The following CTSD variants were observed in gnomAD, a reference collection of about 807,000 sequenced individuals.
CTSD encodes the protein cathepsin D.
A neutral mutation model predicts 43.6 loss-of-function variants in CTSD; 28 were observed. The observed-to-expected ratio is 0.64, with a 90% CI of 0.48 to 0.88. The LOEUF (loss-of-function observed/expected upper bound fraction) is 0.88, where lower values mean the gene tolerates loss of function less well. CTSD is among the 40% of genes least tolerant of loss of function. The probability of loss-of-function intolerance (pLI) is 0.00; values close to 1 mark genes in which losing one functional copy is unlikely to be tolerated. For synonymous variants in CTSD, 270 were observed against 249.8 expected (o/e 1.08, Z -0.76); for missense variants, 485 against 555.2 (o/e 0.87, Z 1.27).
chr11:1,754,524 A>T (rs1234802527), intron 6 of CTSD, among the ~76,000 whole-genome samples: 6 of 14,062 alleles, frequency 4.3e-4, no homozygotes, highest in South Asian at 2.3e-3. Context: ...GGAGGGATGG[A>T]GGGGATGGAG....
In CTSD at chr11:1,753,375, G is replaced by C. The variant is rs1845751114; in HGVS notation, c.*128C>G. ...ACAGCAAGTCGGGCTTGGGCCGCCGGCTTCCAGGGCGCCCAGGACAGTGGG... is the reference window on the plus strand; with the variant it reads ...ACAGCAAGTCGGGCTTGGGCCGCCGCCTTCCAGGGCGCCCAGGACAGTGGG... On this transcript the variant is annotated 3_prime_UTR_variant, in exon 9 of 9. Coordinates refer to ENST00000236671, the MANE Select transcript of CTSD (RefSeq NM_001909.5). 4 of 1,181,004 alleles carry C rather than the reference G, an allele frequency of 3.4e-6. No individual in the cohort carries two copies. The highest frequency in any genetic ancestry group is 5.0e-6 in the Non-Finnish European group (4 of 797,784). 73.2% of individuals were successfully genotyped at this position (1,181,004 alleles called of 1,614,324 possible). A position where few individuals can be genotyped will look rare whatever the true frequency, so the allele number is the denominator to read the frequency against.
intron 2 of CTSD, chr11:1,761,034 C>CT: frequency 2.0e-6 from 1 of 494,328 alleles, no homozygotes; most frequent in Non-Finnish European, 3.7e-6. Context: ...GGCCCAAGGA[C>CT]CGCCCCCTCA....
At chr11:1,763,366 G>A (rs1028791694) in intron 1 of CTSD, among the ~76,000 whole-genome samples, 2 of 152,196 alleles carry the variant, frequency 1.3e-5, no homozygotes, top group Non-Finnish European at 2.9e-5. Context: ...GTGGTAAAGG[G>A]GTCCCTAAGG....
chr11:1,758,092 A>C (rs1845831443), intron 4 of CTSD: 2 of 212,044 alleles, frequency 9.4e-6, no homozygotes, highest in Non-Finnish European at 9.7e-6. Context: ...CACGGGGCGG[A>C]GGGGGCAGAA....
chr11:1,760,554 T>C (rs1845862441), intron 2 of CTSD: 1 of 151,632 alleles, frequency 6.6e-6, no homozygotes, highest in Non-Finnish European at 1.5e-5. Flanking sequence ...CAAATTTCCA[T>C]GTGTGTGTGT....
chr11:1,756,593 C>T (rs978657564), intron 5 of CTSD, among the ~76,000 whole-genome samples: 21 of 152,124 alleles, frequency 1.4e-4, no homozygotes, highest in Non-Finnish European at 2.8e-4. Flanking sequence ...ACACGCTGCC[C>T]ACCCCCAAAA....
At chr11:1,754,382 C>A in intron 6 of CTSD, 2 of 450,010 alleles carry the variant, frequency 4.4e-6, no homozygotes, top group Non-Finnish European at 3.9e-6. Context: ...GATGGAGGGG[C>A]ATAGAGGGAT....
intron 5 of CTSD, 134 bp from the exon 6 acceptor site, chr11:1,755,162 G>A (rs1845795038): frequency 9.3e-7 from 1 of 1,072,692 alleles, no homozygotes; most frequent in Admixed American, 1.8e-5. Flanking sequence ...CTGCAGGGAT[G>A]GAAAGGCCCA....
At chr11:1,754,405 G>GGGGATGGAGGGATGGA in intron 6 of CTSD, 1 of 543,370 alleles carries the variant, frequency 1.8e-6, no homozygotes, top group Non-Finnish European at 3.3e-6. Context: ...AGGGGATGGA[G>GGGGATGGAGGGATGGA]GGGATGAAGG....
chr11:1,757,337 A>G lies in CTSD; in HGVS notation c.691T>C (p.Phe231Leu). Residue 231 changes from phenylalanine to leucine, a missense_variant, in exon 5 of 9, where the codon TTC becomes CTC. Physicochemically the swap from Phe to Leu is conservative, Grantham distance 22. Transcript: ENST00000236671. The stretch of plus-strand genomic sequence containing the variant: ...CCACACGCCCACCTGCTCAGGTAGA[A>G]GGAGAAGATGTTCTGGTCCACCAGC... ...QKLVDQNIFSFYLSRDPDAQP... is the reference protein window; with the variant it reads ...QKLVDQNIFSLYLSRDPDAQP... 6.2e-7 allele frequency: 1 copy of G among 1,613,870 alleles called. No individual in the cohort carries two copies. Among genetic ancestry groups the G allele is most frequent in the Non-Finnish European group, 8.5e-7 (1 of 1,179,946 alleles).
In CTSD at chr11:1,763,883, G is replaced by C; in HGVS notation, c.-24C>G. The C allele has an allele frequency of 6.6e-7, 1 of 1,517,922 alleles. No individual in the cohort carries two copies. Among genetic ancestry groups the C allele is most frequent in the Non-Finnish European group, 8.8e-7 (1 of 1,138,058 alleles). 94.0% of individuals were successfully genotyped at this position (1,517,922 alleles called of 1,614,324 possible). A position where few individuals can be genotyped will look rare whatever the true frequency, so the allele number is the denominator to read the frequency against. On this transcript the variant is annotated 5_prime_UTR_variant, in exon 1 of 9. Coordinates refer to ENST00000236671, the MANE Select transcript of CTSD (RefSeq NM_001909.5). ...ATGGCGGCGGCGGCCGGGTCGGAGAGGGTCGCCGAGGCCGTGCGCTTATAG... is the reference window on the plus strand; with the variant it reads ...ATGGCGGCGGCGGCCGGGTCGGAGACGGTCGCCGAGGCCGTGCGCTTATAG...
rs750593933 is a variant in CTSD at position 1,753,678 on chromosome 11, G to A, written c.1072-8C>T. 1.2e-5 allele frequency: 19 copies of A among 1,612,558 alleles called. No individual in the cohort carries two copies. The highest frequency in any genetic ancestry group is 2.2e-5 in the South Asian group (2 of 91,072). On this transcript the variant is annotated splice_region_variant and splice_polypyrimidine_tract_variant and intron_variant, in intron 8 of 8. Transcript: ENST00000236671. The stretch of plus-strand genomic sequence containing the variant: ...CTTCCCGGCCTGCGACACCTGGGAC[G>A]GCCCTGGTGGTCAGTACCCAGGCCT...
At chr11:1,754,543 GGATGGAGGGGATGGAGGGATGGAGGA>G (rs1342672706) in intron 6 of CTSD, among the ~76,000 whole-genome samples, 7 of 138,668 alleles carry the variant, frequency 5.0e-5, no homozygotes, top group Middle Eastern at 3.9e-3. Context: ...AGGGATGGAG[GGATGGAGGGGATGGAGGGATGGAGGA>G]GATGGAGGGT....
At chr11:1,761,767 A>G (rs946865530) in intron 1 of CTSD, 4 of 487,472 alleles carry the variant, frequency 8.2e-6, no homozygotes, top group African/African-American at 7.8e-5. Context: ...CTCCTCAGCC[A>G]TTCTGGAGGC....
At position 1,758,038 on chromosome 11, in the gene CTSD, C is replaced by T. The variant is rs114444849; in HGVS notation, c.472-482G>A. ...TGGATGAGGCTGCAGAGAGAGAACA[C>T]GGCCAGAGCAGGATGTGGGAAGGGA... On this transcript the variant is annotated intron_variant, in intron 4 of 8. Transcript: ENST00000236671. The T allele has an allele frequency of 8.1e-3, 1,857 of 229,034 alleles. 37 individuals carry two copies. Among genetic ancestry groups the T allele is most frequent in the African/African-American group, 0.04 (1,765 of 43,836 alleles). 14.2% of individuals were successfully genotyped at this position (229,034 alleles called of 1,614,324 possible).
intron 1 of CTSD, chr11:1,763,173 G>C (rs1590909641): frequency 6.6e-6 from 1 of 152,654 alleles, no homozygotes; most frequent in South Asian, 2.0e-4. Context: ...CAGGGGATCG[G>C]CCTGAGGAGC....
At chr11:1,754,508 A>AGGGATGGAGGGGATGTG (rs1554962359) in intron 6 of CTSD, among the ~76,000 whole-genome samples, 1 of 24,442 alleles carries the variant, frequency 4.1e-5, no homozygotes, top group African/African-American at 1.8e-4. Context: ...GTGGGGATGG[A>AGGGATGGAGGGGATGTG]GGGATGGAGG....
In CTSD at chr11:1,761,566, C is replaced by CA. The variant is rs1178229823; in HGVS notation, c.69-99dup. On this transcript the variant is annotated intron_variant, in intron 1 of 8. Transcript: ENST00000236671. ...CCACCTGGAGGCCCCTGGGGAATCT[C>CA]AGAGTCGCCACAGCCAAAACCAAAC... 8.7e-6 allele frequency: 12 copies of CA among 1,381,660 alleles called. No homozygotes were observed. The East Asian group carries it at 1.2e-4, about 14-fold the overall frequency. 85.6% of individuals were successfully genotyped at this position (1,381,660 alleles called of 1,614,324 possible).
intron 7 of CTSD, 37 bp downstream of exon 7, chr11:1,753,957 G>GCCAGCCCCAGCC: frequency 3.1e-6 from 5 of 1,608,216 alleles, no homozygotes; most frequent in Non-Finnish European, 4.2e-6. Flanking sequence ...GGCTCCCCCT[G>GCCAGCCCCAGCC]CCAGCCCCAG....
Sources: gnomAD v4.1 joint callset for allele counts (sites outside exome capture counted in the v4.1 genomes callset) on GRCh38, gnomAD v4.1.1 for gene constraint, MANE v1.5 for transcripts, NCBI Gene and HGNC (gene_info 2026-07-23, HGNC 2026-07-21) for gene names.